Variants in EXOC4 observed in about 807,000 individuals in gnomAD.
EXOC4 encodes SEC8-like 1.
EXOC4 carries 71 observed loss-of-function variants against 107.2 expected under a neutral mutation model. The ratio of observed to expected loss-of-function variants is 0.66; its 90% CI spans 0.55 to 0.81. EXOC4 has a LOEUF of 0.81. Among genes scored for constraint, EXOC4 ranks in the 30% least tolerant of loss-of-function variants. EXOC4 has a pLI of 0.00. For synonymous variants in EXOC4, 456 were observed against 441.2 expected (o/e 1.03, Z -0.42); for missense variants, 1,108 against 1,189.6 (o/e 0.93, Z 1.01).
chr7:133,433,413 T>C (rs1409335493), intron 7 of EXOC4, among the ~76,000 whole-genome samples: 1 of 152,266 alleles, frequency 6.6e-6, no homozygotes, highest in East Asian at 1.9e-4. Flanking sequence ...TTTGCACTTC[T>C]ATTGTTTGCC....
At chr7:133,599,758 A>G (rs78570598) in intron 9 of EXOC4, among the ~76,000 whole-genome samples, 2,226 of 152,218 alleles carry the variant, frequency 0.015, 56 homozygotes, top group African/African-American at 0.05. Context: ...TTCTTTTGGT[A>G]TCTCTGGTGG....
intron 17 of EXOC4, among the ~76,000 whole-genome samples, chr7:134,059,957 T>C (rs1228545857): frequency 1.3e-5 from 2 of 152,082 alleles, no homozygotes; most frequent in Non-Finnish European, 2.9e-5. Context: ...TCCTTCCTGG[T>C]AGAAATGTTT....
intron 3 of EXOC4, among the ~76,000 whole-genome samples, chr7:133,300,895 T>TC (rs1794627312): frequency 6.6e-6 from 1 of 152,144 alleles, no homozygotes; most frequent in South Asian, 2.1e-4. Context: ...ATTTTTTTTT[T>TC]CTAAGCTTCA....
At chr7:133,468,467 A>G (rs1798787703) in intron 7 of EXOC4, among the ~76,000 whole-genome samples, 1 of 152,214 alleles carries the variant, frequency 6.6e-6, no homozygotes, top group African/African-American at 2.4e-5. Context: ...GGAAAACTCG[A>G]TAAGTTTTTG....
chr7:133,848,314 G>A (rs541563394), intron 11 of EXOC4, among the ~76,000 whole-genome samples: 9 of 152,224 alleles, frequency 5.9e-5, no homozygotes, highest in Admixed American at 2.0e-4. Context: ...TATCAACTCC[G>A]GCAGTCAATG....
chr7:133,296,737 C>T (rs73724534), intron 3 of EXOC4, among the ~76,000 whole-genome samples: 6,580 of 151,884 alleles, frequency 0.043, 344 homozygotes, highest in African/African-American at 0.13. Context: ...TCATTTGCCT[C>T]TTTTAAAGCC....
At chr7:133,743,108 G>A (rs1295943756) in intron 10 of EXOC4, among the ~76,000 whole-genome samples, 2 of 152,140 alleles carry the variant, frequency 1.3e-5, no homozygotes, top group East Asian at 3.9e-4. Context: ...AGCGGCATCT[G>A]TTCTTATCAT....
chr7:133,268,075 A>G (rs1793776132), intron 1 of EXOC4, among the ~76,000 whole-genome samples: 1 of 152,226 alleles, frequency 6.6e-6, no homozygotes, highest in African/African-American at 2.4e-5. Flanking sequence ...GTCACACTTT[A>G]TATTTTCAAA....
chr7:133,789,065 C>G (rs1373539502), intron 10 of EXOC4, among the ~76,000 whole-genome samples: 1 of 152,104 alleles, frequency 6.6e-6, no homozygotes, highest in Non-Finnish European at 1.5e-5. Context: ...AATTTTCTTG[C>G]CATATAGTCT....
intron 1 of EXOC4, among the ~76,000 whole-genome samples, chr7:133,259,590 A>G (rs1308020122): frequency 6.6e-6 from 1 of 152,202 alleles, no homozygotes; most frequent in East Asian, 1.9e-4. Context: ...TTAAGAAAAA[A>G]AAAATCACTC....
chr7:133,763,603 T>G lies in EXOC4; in HGVS notation c.1515-53722T>G, dbSNP rs569975577. ...TAATACACAAGTTTTTGAATAGCAC[T>G]TAGTAAATGTTAGCAGCTGTTGTTA... On this transcript the variant is annotated intron_variant, in intron 10 of 17. Coordinates refer to ENST00000253861, the MANE Select transcript of EXOC4 (RefSeq NM_021807.4). Among the ~76,000 whole-genome samples, 34 of 152,120 alleles carry G rather than the reference T, an allele frequency of 2.2e-4. No homozygotes were observed. In the South Asian group the frequency reaches 6.6e-3, roughly 30 times the overall value.
chr7:133,651,410 A>G (rs1803148319), intron 10 of EXOC4, among the ~76,000 whole-genome samples: 1 of 152,202 alleles, frequency 6.6e-6, no homozygotes, highest in African/African-American at 2.4e-5. Flanking sequence ...CAGATTCTGT[A>G]TTTGTTTTGA....
At chr7:133,768,386 C>T (rs894362977) in intron 10 of EXOC4, 1 of 151,886 alleles carries the variant, frequency 6.6e-6, no homozygotes, top group Non-Finnish European at 1.5e-5. Flanking sequence ...AACTCTTCCC[C>T]AGTGTCAACT....
rs1794247981 is a variant in EXOC4, at chr7:133,991,130, C to A, written c.2207-6362C>A. Among the ~76,000 whole-genome samples, 2 of 152,066 alleles carry A rather than the reference C, an allele frequency of 1.3e-5. 1 individual carries two copies. Among genetic ancestry groups the A allele is most frequent in the Non-Finnish European group, 2.9e-5 (2 of 68,022 alleles). ...CATTCTCACTGGTGTGAGATGATGCCCCCTTGTGGTTTTTATTTGCAGTTC... is the reference window on the plus strand; with the variant it reads ...CATTCTCACTGGTGTGAGATGATGCACCCTTGTGGTTTTTATTTGCAGTTC... On this transcript the variant is annotated intron_variant, in intron 14 of 17. Transcript: ENST00000253861.
At chr7:133,646,874 G>C (rs190267493) in intron 10 of EXOC4, among the ~76,000 whole-genome samples, 14 of 152,292 alleles carry the variant, frequency 9.2e-5, no homozygotes, top group Non-Finnish European at 1.6e-4. Context: ...CCAGGTATTT[G>C]AATGTTCCTA....
intron 4 of EXOC4, among the ~76,000 whole-genome samples, chr7:133,310,075 G>A (rs1161355537): frequency 6.6e-6 from 1 of 152,206 alleles, no homozygotes; most frequent in African/African-American, 2.4e-5. Context: ...CTGAATTCTT[G>A]CTTAAGATGA....
chr7:133,782,581 A>G (rs886820411), intron 10 of EXOC4, among the ~76,000 whole-genome samples: 2 of 152,188 alleles, frequency 1.3e-5, no homozygotes, highest in African/African-American at 4.8e-5. Flanking sequence ...GGGCAGAAAA[A>G]TGAACCCGAC....
chr7:133,918,426 A>G (rs934225965), intron 13 of EXOC4, among the ~76,000 whole-genome samples: 1 of 152,200 alleles, frequency 6.6e-6, no homozygotes, highest in African/African-American at 2.4e-5. Flanking sequence ...CTGTCCATAC[A>G]GAATATGTTT....
Position 133,269,582 on chromosome 7 carries a change from C to T in EXOC4, c.87-5400C>T, listed in dbSNP as rs564831194. Among the ~76,000 whole-genome samples the T allele has an allele frequency of 2.0e-5, 3 of 152,256 alleles. No individual in the cohort carries two copies. In the East Asian group the frequency reaches 5.8e-4, roughly 29 times the overall value. On this transcript the variant is annotated intron_variant, in intron 1 of 17. Coordinates refer to ENST00000253861, the MANE Select transcript of EXOC4 (RefSeq NM_021807.4). Reference sequence around the variant, plus strand: ...CACCTTCCTTTCCAAACATGTAGAACACAGGGATGCATGTAAATTTCTGCA... The same window carrying T: ...CACCTTCCTTTCCAAACATGTAGAATACAGGGATGCATGTAAATTTCTGCA...
Sources: gnomAD v4.1 joint callset for allele counts (sites outside exome capture counted in the v4.1 genomes callset) on GRCh38, gnomAD v4.1.1 for gene constraint, MANE v1.5 for transcripts, NCBI Gene and HGNC (gene_info 2026-07-23, HGNC 2026-07-21) for gene names.